IL1R1: variants seen among roughly 807,000 people sequenced by gnomAD.
The protein encoded by IL1R1 is interleukin 1 receptor type 1.
A neutral mutation model predicts 50.2 loss-of-function variants in IL1R1; 22 were observed. The observed-to-expected ratio is 0.44, with a 90% confidence interval of 0.31 to 0.63. The LOEUF is 0.63. IL1R1 is among the 20% of genes least tolerant of loss of function. The pLI, the probability that IL1R1 is intolerant of heterozygous loss-of-function variation, is 0.07. For missense variants in IL1R1, 509 were observed against 676.2 expected, an observed-to-expected ratio of 0.75 and a Z score of 2.74; for synonymous variants, 251 against 236.7, an observed-to-expected ratio of 1.06 and a Z score of -0.55.
At position 102,149,874 on chromosome 2, in the gene IL1R1, A is replaced by T. The variant is rs893103675; in HGVS notation, c.-83-4067A>T. Among the ~76,000 whole-genome samples, 4 of 152,286 alleles carry T rather than the reference A, an allele frequency of 2.6e-5. No homozygotes were observed. The East Asian group carries it at 7.7e-4, about 29-fold the overall frequency. On this transcript the variant is annotated intron_variant, in intron 1 of 11. Coordinates refer to ENST00000410023, the MANE Select transcript of IL1R1 (RefSeq NM_000877.4). ...GGTGGGACTGCTCCGTGCAGGTCTC[A>T]TGGTGAGGACAGCGCAGCCTATGTT...
At chr2:102,097,203 GA>G (rs1353097849) in intron 1 of IL1R1, among the ~76,000 whole-genome samples, 2 of 152,094 alleles carry the variant, frequency 1.3e-5, no homozygotes, top group African/African-American at 4.8e-5. Flanking sequence ...TACAAGCTAG[GA>G]ATTATTTTCT....
At chr2:102,134,566 C>T (rs181305993) in intron 1 of IL1R1, among the ~76,000 whole-genome samples, 3 of 152,058 alleles carry the variant, frequency 2.0e-5, no homozygotes, top group South Asian at 2.1e-4. Flanking sequence ...TTAGTAGAGA[C>T]GGGTTTTCTC....
intron 3 of IL1R1, among the ~76,000 whole-genome samples, chr2:102,161,814 C>G (rs1049263976): frequency 6.6e-6 from 1 of 152,058 alleles, no homozygotes; most frequent in Non-Finnish European, 1.5e-5. Context: ...ATTCTTGTGC[C>G]TCAGCCTCCC....
chr2:102,074,987 G>GTA (rs1384857595), intron 1 of IL1R1, among the ~76,000 whole-genome samples: 3 of 151,690 alleles, frequency 2.0e-5, no homozygotes, highest in Non-Finnish European at 2.9e-5. Context: ...CATTCTATAT[G>GTA]TATATATATG....
At chr2:102,151,192 C>A (rs1453713367) in intron 1 of IL1R1, among the ~76,000 whole-genome samples, 4 of 152,104 alleles carry the variant, frequency 2.6e-5, no homozygotes, top group Non-Finnish European at 5.9e-5. Context: ...AGGGTCATCC[C>A]CACCCCTCAA....
intron 1 of IL1R1, among the ~76,000 whole-genome samples, chr2:102,097,914 ATATAT>A (rs1434037821): frequency 6.6e-6 from 1 of 152,082 alleles, no homozygotes; most frequent in Non-Finnish European, 1.5e-5. Flanking sequence ...ACACATTCTA[ATATAT>A]TATATGAAGC....
At chr2:102,124,049 G>T (rs927414663) in intron 1 of IL1R1, among the ~76,000 whole-genome samples, 2 of 152,134 alleles carry the variant, frequency 1.3e-5, no homozygotes, top group African/African-American at 4.8e-5. Context: ...TATTCTTGAG[G>T]CAGGGAAAGG....
upstream of IL1R1, among the ~76,000 whole-genome samples, chr2:102,141,342 C>G (rs1006083180): frequency 6.6e-6 from 1 of 152,220 alleles, no homozygotes; most frequent in Non-Finnish European, 1.5e-5. Context: ...GTGTCATGTC[C>G]TCCGGTGATT....
chr2:102,171,028 T>A (rs1403318369), intron 7 of IL1R1, among the ~76,000 whole-genome samples: 2 of 152,204 alleles, frequency 1.3e-5, no homozygotes, highest in African/African-American at 4.8e-5. Context: ...GCCACTGCAC[T>A]TCCAGCCTGA....
At chr2:102,176,168 C>T in intron 11 of IL1R1, 185 bp from the exon 12 acceptor site, 1 of 574,062 alleles carries the variant, frequency 1.7e-6, no homozygotes, top group Non-Finnish European at 3.0e-6. Context: ...GTGTGAGCAA[C>T]AGAACAAGAG....
At chr2:102,110,636 G>A (rs12712128) in intron 1 of IL1R1, among the ~76,000 whole-genome samples, 92,033 of 150,638 alleles carry the variant, frequency 0.61, 28,666 homozygotes, top group African/African-American at 0.7. Context: ...CCCCACTGTG[G>A]TCTCTCGTGG....
chr2:102,145,534 A>G (rs550856762), intron 1 of IL1R1, among the ~76,000 whole-genome samples: 89 of 152,328 alleles, frequency 5.8e-4, no homozygotes, highest in African/African-American at 2.1e-3. Context: ...TGGCGGCACG[A>G]TGGAGACACC....
chr2:102,177,142 T>C lies in IL1R1; in HGVS notation c.*383T>C. The C allele has an allele frequency of 9.3e-6, 2 of 214,354 alleles. No individual in the cohort carries two copies. The highest frequency in any genetic ancestry group is 9.7e-6 in the Non-Finnish European group (1 of 103,402). The allele number at this position is 214,354 out of a possible 1,614,324, so 13.3% of individuals were successfully genotyped here. A position where few individuals can be genotyped will look rare whatever the true frequency, so the allele number is the denominator to read the frequency against. Reference sequence around the variant, plus strand: ...TGAGCTAGGCATGGTGGCACACGCCTGTAATCCCAGCTACACCTGAGGCTG... The same window carrying C: ...TGAGCTAGGCATGGTGGCACACGCCCGTAATCCCAGCTACACCTGAGGCTG... On this transcript the variant is annotated 3_prime_UTR_variant, in exon 12 of 12. Coordinates refer to ENST00000410023, the MANE Select transcript of IL1R1 (RefSeq NM_000877.4).
chr2:102,086,224 T>C (rs1462066382), intron 1 of IL1R1, among the ~76,000 whole-genome samples: 1 of 152,198 alleles, frequency 6.6e-6, no homozygotes. Context: ...GATTTCTTAA[T>C]TGACAGTTTA....
In IL1R1 at chr2:102,176,837, T is replaced by C; in HGVS notation, c.*78T>C. 7.5e-7 allele frequency: 1 copy of C among 1,330,662 alleles called. No homozygotes were observed. Among genetic ancestry groups the C allele is most frequent in the South Asian group, 1.3e-5 (1 of 75,658 alleles). The allele number at this position is 1,330,662 out of a possible 1,614,324, so 82.4% of individuals were successfully genotyped here. ...AGGCCAGGTTATGCCTCATGCTGACTTGCAGAGTTCATGGAATGTAACTAT... is the reference window on the plus strand; with the variant it reads ...AGGCCAGGTTATGCCTCATGCTGACCTGCAGAGTTCATGGAATGTAACTAT... On this transcript the variant is annotated 3_prime_UTR_variant, in exon 12 of 12. Coordinates refer to ENST00000410023, the MANE Select transcript of IL1R1 (RefSeq NM_000877.4).
rs567397075 is a variant in IL1R1 at position 102,163,213 on chromosome 2, G to A, written c.62-1561G>A. ...GTTTTAAACAATTTTATTATTATGT[G>A]TTTGTAGTTTGCTTTATGTTTCTTT... On this transcript the variant is annotated intron_variant, in intron 3 of 11. Coordinates refer to ENST00000410023, the MANE Select transcript of IL1R1 (RefSeq NM_000877.4). Among the ~76,000 whole-genome samples the A allele has an allele frequency of 2.6e-5, 4 of 152,178 alleles. No homozygotes were observed. The East Asian group carries it at 7.7e-4, about 29-fold the overall frequency.
At chr2:102,077,956 T>G (rs1679043692) in intron 1 of IL1R1, among the ~76,000 whole-genome samples, 2 of 152,100 alleles carry the variant, frequency 1.3e-5, no homozygotes, top group South Asian at 4.1e-4. Context: ...AATTAAACAA[T>G]ATACTCTTAA....
chr2:102,129,106 G>A (rs1320305727), intron 1 of IL1R1, among the ~76,000 whole-genome samples: 1 of 152,144 alleles, frequency 6.6e-6, no homozygotes, highest in Non-Finnish European at 1.5e-5. Flanking sequence ...AGCTACTTGG[G>A]AGGCTGAGGT....
At chr2:102,133,805 A>T (rs143038727) in intron 1 of IL1R1, among the ~76,000 whole-genome samples, 396 of 152,322 alleles carry the variant, frequency 2.6e-3, no homozygotes, top group African/African-American at 9.1e-3. Context: ...CTAACATCAT[A>T]CTTAATGAAA....
Sources: gnomAD v4.1 joint callset for allele counts (sites outside exome capture counted in the v4.1 genomes callset) on GRCh38, gnomAD v4.1.1 for gene constraint, MANE v1.5 for transcripts, NCBI Gene and HGNC (gene_info 2026-07-23, HGNC 2026-07-21) for gene names.